GTPBP10: variants seen among roughly 807,000 people sequenced by gnomAD.
GTPBP10 encodes GTP-binding protein 10.
GTPBP10 carries 38 observed loss-of-function variants against 44.8 expected under a neutral mutation model. The ratio of observed to expected loss-of-function variants is 0.85; its 90% CI spans 0.65 to 1.11. GTPBP10 has a LOEUF of 1.11. Ranked by LOEUF, GTPBP10 falls within the 50% of genes most tolerant of loss-of-function variation. The pLI is 0.00. For missense variants in GTPBP10, 462 were observed against 453.7 expected, an observed-to-expected ratio of 1.02 and a Z score of -0.17; for synonymous variants, 152 against 150.6, an observed-to-expected ratio of 1.01 and a Z score of -0.07.
At chr7:90,383,626 C>G (rs994186598) in intron 9 of GTPBP10, 1 of 152,146 alleles carries the variant, frequency 6.6e-6, no homozygotes, top group Non-Finnish European at 1.5e-5. Context: ...ATTTATTTGT[C>G]TGGAATTTAC....
At position 90,377,632 on chromosome 7, in the gene GTPBP10, T is replaced by G. The variant is rs748851324; in HGVS notation, c.699+18T>G. 2.8e-6 allele frequency: 4 copies of G among 1,410,248 alleles called. No individual in the cohort carries two copies. The East Asian group carries it at 9.2e-5, about 33-fold the overall frequency. The allele number at this position is 1,410,248 out of a possible 1,614,324, so 87.4% of individuals were successfully genotyped here. ...TTTTTGTTGTAAGTCATATGTATAC[T>G]AATGTGATATTCAAATAAATTGAAA... On this transcript the variant is annotated intron_variant, in intron 7 of 9. Transcript: ENST00000222511.
In GTPBP10 at chr7:90,377,494, A is replaced by T. The variant is rs1409663091; in HGVS notation, c.592-13A>T. 5 of 1,557,612 alleles carry T rather than the reference A, an allele frequency of 3.2e-6. No homozygotes were observed. In the East Asian group the frequency reaches 1.1e-4, roughly 35 times the overall value. On this transcript the variant is annotated splice_polypyrimidine_tract_variant and intron_variant, in intron 6 of 9. Transcript: ENST00000222511. ...CATTTTCCTTTTTCATTAACCATTT[A>T]ACTTTGTATTAGATATCAGTAGCTG...
rs113200299 is a variant in GTPBP10 at position 90,350,874 on chromosome 7, G to T, written c.34-1942G>T. Among the ~76,000 whole-genome samples the T allele has an allele frequency of 3.7e-3, 558 of 152,258 alleles. 4 individuals carry two copies. Among genetic ancestry groups the T allele is most frequent in the African/African-American group, 0.012 (491 of 41,530 alleles). Reference sequence around the variant, plus strand: ...ATTCATCTTTTTATCGTAGTGTCATGACTTTACTTCTTGGGAGCACTGCCA... The same window carrying T: ...ATTCATCTTTTTATCGTAGTGTCATTACTTTACTTCTTGGGAGCACTGCCA... On this transcript the variant is annotated intron_variant, in intron 1 of 9. Coordinates refer to ENST00000222511, the MANE Select transcript of GTPBP10 (RefSeq NM_033107.4).
chr7:90,371,010 G>GATAATAA (rs1554398220), intron 4 of GTPBP10, among the ~76,000 whole-genome samples: 1 of 144,998 alleles, frequency 6.9e-6, no homozygotes, highest in African/African-American at 2.6e-5. Flanking sequence ...CATCTCAATA[G>GATAATAA]ATAAATAAAT....
At chr7:90,383,445 C>T (rs141878408) in intron 9 of GTPBP10, among the ~76,000 whole-genome samples, 8 of 152,266 alleles carry the variant, frequency 5.3e-5, no homozygotes, top group East Asian at 1.9e-4. Flanking sequence ...GCTCTTCATT[C>T]GTCTAGTACT....
At chr7:90,364,250 T>C (rs1584635760) in intron 4 of GTPBP10, among the ~76,000 whole-genome samples, 1 of 152,194 alleles carries the variant, frequency 6.6e-6, no homozygotes, top group Admixed American at 6.5e-5. Flanking sequence ...TCTGTTTTTT[T>C]CCCCATCTTT....
At chr7:90,361,889 T>G (rs916031380) in intron 4 of GTPBP10, among the ~76,000 whole-genome samples, 3 of 152,228 alleles carry the variant, frequency 2.0e-5, no homozygotes, top group Non-Finnish European at 4.4e-5. Flanking sequence ...ATTTATCCGT[T>G]TCTTCTAGAT....
chr7:90,383,195 AAGAAT>A, intron 9 of GTPBP10, 116 bp downstream of exon 9: 2 of 618,162 alleles, frequency 3.2e-6, no homozygotes, highest in Non-Finnish European at 5.0e-6. Flanking sequence ...AGTTTGAAGA[AAGAAT>A]ATACAAAACA....
At chr7:90,349,684 A>G (rs1003022273) in intron 1 of GTPBP10, among the ~76,000 whole-genome samples, 2 of 152,180 alleles carry the variant, frequency 1.3e-5, no homozygotes, top group African/African-American at 2.4e-5. Context: ...GGGTTAGCCT[A>G]TCCCTTCCTG....
chr7:90,375,136 G>A (rs1177180470), intron 6 of GTPBP10, among the ~76,000 whole-genome samples: 1 of 152,056 alleles, frequency 6.6e-6, no homozygotes, highest in African/African-American at 2.4e-5. Context: ...TGAAAAGACT[G>A]TGTGATACTG....
intron 4 of GTPBP10, among the ~76,000 whole-genome samples, chr7:90,363,992 A>G (rs1796080821): frequency 1.3e-5 from 2 of 152,216 alleles, no homozygotes; most frequent in African/African-American, 4.8e-5. Context: ...CCATCAGGTC[A>G]TTTAAGAACT....
At chr7:90,357,735 A>C (rs1042571905) in intron 4 of GTPBP10, among the ~76,000 whole-genome samples, 1 of 152,206 alleles carries the variant, frequency 6.6e-6, no homozygotes, top group Non-Finnish European at 1.5e-5. Flanking sequence ...TAATGAAAAT[A>C]TATGAATGAG....
Position 90,384,941 on chromosome 7 carries a change from G to A in GTPBP10, c.951G>A (p.Glu317=), listed in dbSNP as rs781172282. The change falls in exon 10 of 10, where the codon GAG becomes GAA. Residue 317 remains glutamate (E), a synonymous_variant. Transcript: ENST00000222511. The part of the protein sequence containing the change: ...EKNMIPERTV[E]FQHIIPISAV... ...ACATGATTCCAGAGAGGACTGTAGA[G>A]TTCCAACATATCATCCCCATATCTG... The A allele has an allele frequency of 2.5e-6, 4 of 1,612,376 alleles. No individual in the cohort carries two copies. Among genetic ancestry groups the A allele is most frequent in the Non-Finnish European group, 3.4e-6 (4 of 1,178,642 alleles).
At chr7:90,373,057 G>C (rs2115729911) in intron 5 of GTPBP10, among the ~76,000 whole-genome samples, 1 of 152,270 alleles carries the variant, frequency 6.6e-6, no homozygotes, top group South Asian at 2.1e-4. Flanking sequence ...AAATAGAGTG[G>C]AGGGTGAAGG....
intron 9 of GTPBP10, among the ~76,000 whole-genome samples, chr7:90,384,643 T>G (rs1796491572): frequency 6.6e-6 from 1 of 151,918 alleles, no homozygotes; most frequent in Non-Finnish European, 1.5e-5. Context: ...AAGTCATTTT[T>G]GTGATTCATC....
chr7:90,384,074 A>G (rs1271811771), intron 9 of GTPBP10, among the ~76,000 whole-genome samples: 1 of 152,194 alleles, frequency 6.6e-6, no homozygotes, highest in African/African-American at 2.4e-5. Context: ...GGGAATTTTC[A>G]GAGGAAATAC....
At chr7:90,379,184 A>C (rs1266748742) in intron 8 of GTPBP10, among the ~76,000 whole-genome samples, 1 of 152,188 alleles carries the variant, frequency 6.6e-6, no homozygotes, top group Non-Finnish European at 1.5e-5. Flanking sequence ...AAGCCCTGTC[A>C]GTTTTTTATC....
At chr7:90,364,029 C>T (rs1384673038) in intron 4 of GTPBP10, among the ~76,000 whole-genome samples, 1 of 152,156 alleles carries the variant, frequency 6.6e-6, no homozygotes, top group Non-Finnish European at 1.5e-5. Flanking sequence ...TCTAGTTAGC[C>T]ATTCGTCTAA....
chr7:90,349,664 C>A (rs145806306), intron 1 of GTPBP10, among the ~76,000 whole-genome samples: 184 of 152,334 alleles, frequency 1.2e-3, no homozygotes, highest in Middle Eastern at 6.8e-3. Context: ...TGCATTTGCA[C>A]AATACAGTAG....
Sources: allele counts gnomAD v4.1 joint callset (sites outside exome capture counted in the v4.1 genomes callset), GRCh38; gene constraint gnomAD v4.1.1; transcripts MANE v1.5; gene names NCBI Gene and HGNC (gene_info 2026-07-23, HGNC 2026-07-21).